Variants in DAPP1 observed in about 807,000 individuals in gnomAD.
The protein encoded by DAPP1 is dual adaptor of phosphotyrosine and 3-phosphoinositides 1.
DAPP1 carries 20 observed loss-of-function variants against 41.5 expected under a neutral mutation model. That is an observed-to-expected ratio of 0.48 (90% CI 0.34 to 0.70). The LOEUF (loss-of-function observed/expected upper bound fraction) is 0.70. DAPP1 is among the 30% of genes least tolerant of loss of function. The pLI, the probability that DAPP1 is intolerant of heterozygous loss-of-function variation, is 0.01. For synonymous variants in DAPP1, 113 were observed against 116.2 expected, an observed-to-expected ratio of 0.97 and a Z score of 0.18; for missense variants, 233 against 333.4, an observed-to-expected ratio of 0.70 and a Z score of 2.35.
downstream of DAPP1, among the ~76,000 whole-genome samples, chr4:99,870,522 T>A (rs1384541682): frequency 9.9e-5 from 15 of 152,140 alleles, no homozygotes; most frequent in Admixed American, 9.8e-4. Context: ...TAACTAGTAC[T>A]AGACTAGGTG....
intron 3 of DAPP1, among the ~76,000 whole-genome samples, chr4:99,849,649 A>G (rs980169538): frequency 5.3e-5 from 8 of 152,174 alleles, no homozygotes; most frequent in Admixed American, 3.9e-4. Flanking sequence ...GTAGGAGGAT[A>G]ATGCCCCCAC....
intron 3 of DAPP1, among the ~76,000 whole-genome samples, chr4:99,848,021 C>T (rs1412490594): frequency 2.6e-5 from 4 of 151,884 alleles, no homozygotes; most frequent in African/African-American, 4.8e-5. Context: ...ATCATGTTGG[C>T]CAGGATGGTC....
At chr4:99,859,210 C>A (rs1271927067) in intron 4 of DAPP1, among the ~76,000 whole-genome samples, 1 of 152,130 alleles carries the variant, frequency 6.6e-6, no homozygotes, top group African/African-American at 2.4e-5. Flanking sequence ...GCCTCCGTGC[C>A]TGGCCTGGCC....
chr4:99,843,974 T>C (rs1179473662), intron 3 of DAPP1, among the ~76,000 whole-genome samples: 1 of 152,228 alleles, frequency 6.6e-6, no homozygotes, highest in Non-Finnish European at 1.5e-5. Context: ...TATAAAAACA[T>C]AATTTGAAAT....
chr4:99,852,475 C>A (rs751746047), intron 3 of DAPP1, among the ~76,000 whole-genome samples: 4 of 152,162 alleles, frequency 2.6e-5, no homozygotes, highest in Non-Finnish European at 4.4e-5. Flanking sequence ...GCCCTTGGAA[C>A]AAAGTTCCCC....
At chr4:99,821,375 C>T (rs1340339909) in intron 1 of DAPP1, among the ~76,000 whole-genome samples, 2 of 152,052 alleles carry the variant, frequency 1.3e-5, no homozygotes, top group Admixed American at 6.5e-5. Context: ...GAGAGACACA[C>T]CTAGGAACTT....
downstream of DAPP1, among the ~76,000 whole-genome samples, chr4:99,871,062 G>T (rs1043688611): frequency 8.5e-5 from 13 of 152,122 alleles, no homozygotes; most frequent in African/African-American, 3.1e-4. Context: ...GAACTCGGTG[G>T]GGCAGGACCC....
chr4:99,841,038 G>A (rs1369996134), intron 3 of DAPP1, among the ~76,000 whole-genome samples: 1 of 152,108 alleles, frequency 6.6e-6, no homozygotes, highest in African/African-American at 2.4e-5. Context: ...TGAACATCTT[G>A]TTTATTTATA....
At chr4:99,862,876 A>T (rs986212632) in intron 5 of DAPP1, 134 bp from the exon 6 acceptor site, 1 of 581,882 alleles carries the variant, frequency 1.7e-6, no homozygotes, top group Non-Finnish European at 2.8e-6. Flanking sequence ...ACACAAAAGA[A>T]TTTTTTCAGG....
chr4:99,861,728 T>G (rs1181696720), intron 5 of DAPP1, 103 bp downstream of exon 5: 2 of 1,328,972 alleles, frequency 1.5e-6, no homozygotes, highest in Non-Finnish European at 2.1e-6. Flanking sequence ...CATAATTGCC[T>G]GCTCATTTTA....
chr4:99,848,521 G>A lies in DAPP1; in HGVS notation c.359-4697G>A, dbSNP rs570511660. The stretch of plus-strand genomic sequence containing the variant: ...TGGGATTACAGGCATGGGCCACCGC[G>A]CCCTGCCCAGGAGCAGAATTTTTTA... On this transcript the variant is annotated intron_variant, in intron 3 of 8. Transcript: ENST00000512369. Among the ~76,000 whole-genome samples the A allele has an allele frequency of 5.9e-5, 9 of 152,132 alleles. No individual in the cohort carries two copies. The South Asian group carries it at 1.5e-3, about 25-fold the overall frequency.
intron 4 of DAPP1, among the ~76,000 whole-genome samples, chr4:99,855,857 C>G (rs952353914): frequency 3.9e-5 from 6 of 152,168 alleles, no homozygotes; most frequent in African/African-American, 7.2e-5. Context: ...TCTGCATTTT[C>G]TTTTTGGGGT....
At position 99,861,644 on chromosome 4, in the gene DAPP1, G is replaced by A; in HGVS notation, c.537+19G>A. On this transcript the variant is annotated intron_variant, in intron 5 of 8. Transcript: ENST00000512369. ...GGTCAAGGTAAGGAAGTGTGGTTTT[G>A]CTCATGCCAGCCACAGAAAAAAGAG... The A allele has an allele frequency of 6.4e-7, 1 of 1,564,112 alleles. No homozygotes were observed. Among genetic ancestry groups the A allele is most frequent in the Non-Finnish European group, 8.7e-7 (1 of 1,153,464 alleles).
intron 1 of DAPP1, among the ~76,000 whole-genome samples, chr4:99,831,401 C>T (rs766252828): frequency 2.0e-5 from 3 of 152,134 alleles, no homozygotes; most frequent in Non-Finnish European, 2.9e-5. Context: ...AATAGCACCC[C>T]GACTCCCTGC....
At chr4:99,847,050 C>T (rs1384475090) in intron 3 of DAPP1, among the ~76,000 whole-genome samples, 2 of 152,130 alleles carry the variant, frequency 1.3e-5, no homozygotes, top group Admixed American at 1.3e-4. Context: ...TAATGAAACA[C>T]GGATGGACAT....
chr4:99,819,489 T>A (rs562692518), intron 1 of DAPP1, among the ~76,000 whole-genome samples: 1 of 152,354 alleles, frequency 6.6e-6, no homozygotes, highest in African/African-American at 2.4e-5. Flanking sequence ...GATAACAATT[T>A]GAGAACTCTT....
At chr4:99,821,250 G>C (rs548048679) in intron 1 of DAPP1, among the ~76,000 whole-genome samples, 1 of 152,288 alleles carries the variant, frequency 6.6e-6, no homozygotes, top group East Asian at 1.9e-4. Flanking sequence ...TGCCATTTAG[G>C]CTTCACAATA....
In DAPP1 at chr4:99,838,464, C is replaced by A. The variant is rs370409823; in HGVS notation, c.225-1825C>A. On this transcript the variant is annotated intron_variant, in intron 2 of 8. Coordinates refer to ENST00000512369, the MANE Select transcript of DAPP1 (RefSeq NM_014395.3). ...CGTGTTGTAGAACAGTGGTCCCCAA[C>A]CTTTTTGGCACCAGGGGCTGGTTTT... Among the ~76,000 whole-genome samples, 41 of 152,280 alleles carry A rather than the reference C, an allele frequency of 2.7e-4. No individual in the cohort carries two copies. In the East Asian group the frequency reaches 3.3e-3, roughly 12 times the overall value.
intron 1 of DAPP1, among the ~76,000 whole-genome samples, chr4:99,831,249 T>A (rs949503791): frequency 1.3e-5 from 2 of 152,202 alleles, no homozygotes; most frequent in Non-Finnish European, 2.9e-5. Flanking sequence ...TCAACTTTGA[T>A]GTGTGTGTGT....
Sources: gnomAD v4.1 joint callset for allele counts (sites outside exome capture counted in the v4.1 genomes callset) on GRCh38, gnomAD v4.1.1 for gene constraint, MANE v1.5 for transcripts, NCBI Gene and HGNC (gene_info 2026-07-23, HGNC 2026-07-21) for gene names.